The following PLEKHG1 variants were observed in gnomAD, a reference collection of about 807,000 sequenced individuals.
The protein encoded by PLEKHG1 is pleckstrin homology domain-containing family G member 1.
In PLEKHG1, 44 loss-of-function variants were observed where a neutral mutation model predicts 100.8. The ratio of observed to expected loss-of-function variants is 0.44; its 90% confidence interval spans 0.34 to 0.56. PLEKHG1 has a LOEUF of 0.56. Ranked by LOEUF, PLEKHG1 falls within the 20% of genes least tolerant of loss-of-function variation. PLEKHG1 has a pLI of 0.01. For synonymous variants in PLEKHG1, 640 were observed against 662.5 expected (o/e 0.97, Z 0.52); for missense variants, 1,545 against 1,720.9 (o/e 0.90, Z 1.81).
intron 1 of PLEKHG1, among the ~76,000 whole-genome samples, chr6:150,611,951 CT>C (rs1776850434): frequency 1.3e-5 from 2 of 151,090 alleles, no homozygotes; most frequent in Non-Finnish European, 2.9e-5. Flanking sequence ...GGGGATTTAT[CT>C]TTTTGGCTTT....
rs747456470 is a variant in PLEKHG1 at position 150,701,466 on chromosome 6, T to A, written c.-98-32118T>A. Among the ~76,000 whole-genome samples the A allele has an allele frequency of 5.8e-3, 488 of 84,134 alleles. 2 individuals are homozygous for A. Among genetic ancestry groups the A allele is most frequent in the African/African-American group, 0.035 (298 of 8,534 alleles). 55.2% of individuals were successfully genotyped at this position (84,134 alleles called of 152,430 possible). A position where few individuals can be genotyped will look rare whatever the true frequency, so the allele number is the denominator to read the frequency against. ...ATATATATATATATATATATATATATAATTATACTTTAAGTTCTAGGGTAC... is the reference window on the plus strand; with the variant it reads ...ATATATATATATATATATATATATAAAATTATACTTTAAGTTCTAGGGTAC... On this transcript the variant is annotated intron_variant, in intron 3 of 3. Transcript: ENST00000367326.
chr6:150,832,693 T>TTG (rs1777016817), intron 15 of PLEKHG1, among the ~76,000 whole-genome samples: 1 of 149,894 alleles, frequency 6.7e-6, no homozygotes. Context: ...TTTTTTTTTT[T>TTG]TTTTTTGAGA....
At chr6:150,605,377 T>A (rs1312068767) in intron 1 of PLEKHG1, 1 of 152,234 alleles carries the variant, frequency 6.6e-6, no homozygotes, top group Non-Finnish European at 1.5e-5. Context: ...CCCACTTACC[T>A]GCTGCAAGTT....
At chr6:150,818,939 C>G (rs76678181) in intron 11 of PLEKHG1, among the ~76,000 whole-genome samples, 11 of 152,178 alleles carry the variant, frequency 7.2e-5, no homozygotes, top group Middle Eastern at 3.4e-3. Flanking sequence ...CTTGTTAACT[C>G]CCCAGGGGGA....
At chr6:150,670,260 CA>C (rs1431674472) in intron 3 of PLEKHG1, among the ~76,000 whole-genome samples, 1 of 152,112 alleles carries the variant, frequency 6.6e-6, no homozygotes, top group African/African-American at 2.4e-5. Flanking sequence ...TCAACTTACA[CA>C]GGTTTTTCTT....
At chr6:150,782,994 A>T (rs1012575601) in intron 3 of PLEKHG1, among the ~76,000 whole-genome samples, 2 of 152,180 alleles carry the variant, frequency 1.3e-5, no homozygotes, top group Non-Finnish European at 2.9e-5. Flanking sequence ...CAAAATCATT[A>T]TGATCATCAT....
intron 3 of PLEKHG1, among the ~76,000 whole-genome samples, chr6:150,652,488 C>T (rs149524800): frequency 0.027 from 4,062 of 151,780 alleles, 86 homozygotes; most frequent in Middle Eastern, 0.088. Flanking sequence ...TTTGGGAGGC[C>T]GAGGGGGGTG....
intron 15 of PLEKHG1, among the ~76,000 whole-genome samples, chr6:150,838,912 G>C (rs761791206): frequency 3.9e-5 from 6 of 152,066 alleles, no homozygotes; most frequent in Admixed American, 2.0e-4. Flanking sequence ...CAATACATGT[G>C]GTTTTGAAGC....
At chr6:150,752,051 TG>T (rs1783546415) in intron 2 of PLEKHG1, among the ~76,000 whole-genome samples, 2 of 151,998 alleles carry the variant, frequency 1.3e-5, no homozygotes, top group Non-Finnish European at 2.9e-5. Context: ...CCGGGCATGG[TG>T]GAAGGCACCA....
intron 3 of PLEKHG1, among the ~76,000 whole-genome samples, chr6:150,678,719 G>T (rs1458571665): frequency 6.6e-6 from 1 of 152,114 alleles, no homozygotes; most frequent in African/African-American, 2.4e-5. Context: ...CACATTTCAG[G>T]GTTGAATTAC....
chr6:150,726,901 T>C (rs1475035068), intron 1 of PLEKHG1, among the ~76,000 whole-genome samples: 1 of 152,194 alleles, frequency 6.6e-6, no homozygotes, highest in Non-Finnish European at 1.5e-5. Context: ...AATATATAAA[T>C]GTATATTTTT....
At chr6:150,684,586 T>TC (rs1406261031) in intron 3 of PLEKHG1, among the ~76,000 whole-genome samples, 1 of 152,150 alleles carries the variant, frequency 6.6e-6, no homozygotes, top group African/African-American at 2.4e-5. Context: ...ACCCTGTGTC[T>TC]CCCCTTGGAC....
At chr6:150,793,765 C>T (rs1034025451) in intron 4 of PLEKHG1, among the ~76,000 whole-genome samples, 16 of 152,092 alleles carry the variant, frequency 1.1e-4, no homozygotes, top group African/African-American at 2.4e-4. Flanking sequence ...TAAACCAGTA[C>T]GAGTATAATG....
intron 3 of PLEKHG1, chr6:150,663,421 T>C (rs140388600): frequency 6.6e-6 from 1 of 152,284 alleles, no homozygotes; most frequent in African/African-American, 2.4e-5. Context: ...ATGGTGCATC[T>C]TTTATATCTT....
chr6:150,813,312 A>AG (rs1194589003), intron 10 of PLEKHG1, among the ~76,000 whole-genome samples: 1 of 151,564 alleles, frequency 6.6e-6, no homozygotes, highest in Non-Finnish European at 1.5e-5. Flanking sequence ...CTCAAAAAAA[A>AG]AAAAAAACAA....
At chr6:150,765,863 A>G (rs1197469518) in intron 2 of PLEKHG1, among the ~76,000 whole-genome samples, 2 of 152,212 alleles carry the variant, frequency 1.3e-5, no homozygotes, top group African/African-American at 2.4e-5. Flanking sequence ...TAGTTTCTGC[A>G]TGCTTACTTG....
At chr6:150,622,873 G>T (rs1178783514) in intron 1 of PLEKHG1, among the ~76,000 whole-genome samples, 1 of 152,140 alleles carries the variant, frequency 6.6e-6, no homozygotes, top group Admixed American at 6.6e-5. Flanking sequence ...TTAGAAGATA[G>T]AAAAACAAAG....
At chr6:150,797,325 C>T (rs1786402197) in intron 5 of PLEKHG1, among the ~76,000 whole-genome samples, 2 of 152,048 alleles carry the variant, frequency 1.3e-5, no homozygotes, top group Admixed American at 1.3e-4. Flanking sequence ...AAATAGGTCC[C>T]CTGTTCCCCA....
At chr6:150,752,932 C>T (rs1783605267) in intron 2 of PLEKHG1, among the ~76,000 whole-genome samples, 1 of 151,906 alleles carries the variant, frequency 6.6e-6, no homozygotes, top group Non-Finnish European at 1.5e-5. Context: ...GGCAACATGG[C>T]GAAACCCTGT....
Sources: allele counts gnomAD v4.1 joint callset (sites outside exome capture counted in the v4.1 genomes callset), GRCh38; gene constraint gnomAD v4.1.1; transcripts MANE v1.5; gene names NCBI Gene and HGNC (gene_info 2026-07-23, HGNC 2026-07-21).